Variants in KCNC2 observed in about 807,000 individuals in gnomAD.
KCNC2 encodes voltage-gated potassium channel KCNC2.
In KCNC2, 21 loss-of-function variants were observed where a neutral mutation model predicts 44.5. The observed-to-expected ratio is 0.47, with a 90% confidence interval of 0.33 to 0.68. The LOEUF is 0.68. KCNC2 is among the 30% of genes least tolerant of loss of function. KCNC2 has a pLI of 0.01. For synonymous variants in KCNC2, 391 were observed against 339.1 expected, an observed-to-expected ratio of 1.15 and a Z score of -1.68; for missense variants, 589 against 826.2, an observed-to-expected ratio of 0.71 and a Z score of 3.52.
At position 75,050,395 on chromosome 12, in the gene KCNC2, C is replaced by T; in HGVS notation, c.1610G>A (p.Arg537Lys). The T allele has an allele frequency of 6.2e-7, 1 of 1,604,782 alleles. No homozygotes were observed. Among genetic ancestry groups the T allele is most frequent in the East Asian group, 2.2e-5 (1 of 44,766 alleles). ...CATTTGAAGTCCTGCCTTACCTGATCTGTTATGTTCCAGAAGTCGATTGTC... is the reference window on the plus strand; with the variant it reads ...CATTTGAAGTCCTGCCTTACCTGATTTGTTATGTTCCAGAAGTCGATTGTC... ...GKDNRLLEHN[R>K]SVLSGDDSTG... The change falls in exon 3 of 5, where the codon AGA becomes AAA. Residue 537 changes from arginine to lysine, a missense_variant. This residue lies in a region of KCNC2 where 171 missense variants were observed against 182.4 expected (regional missense o/e 0.94). Transcript: ENST00000549446.
Position 75,126,081 on chromosome 12 carries a change from G to T in KCNC2, c.688-74764C>A, listed in dbSNP as rs373213024. Reference sequence around the variant, plus strand: ...GAAGATGGATATCTGATGAGCTTATGAGCAAAACTAAAAAACCCGAGTCTC... The same window carrying T: ...GAAGATGGATATCTGATGAGCTTATTAGCAAAACTAAAAAACCCGAGTCTC... On this transcript the variant is annotated intron_variant, in intron 2 of 4. Coordinates refer to ENST00000549446, the MANE Select transcript of KCNC2 (RefSeq NM_139137.4). 3.4e-4 allele frequency among the ~76,000 whole-genome samples: 51 copies of T among 152,202 alleles called. No individual in the cohort carries two copies. The East Asian group carries it at 8.7e-3, about 26-fold the overall frequency.
chr12:75,102,692 T>G (rs1051067627), intron 2 of KCNC2, among the ~76,000 whole-genome samples: 26 of 152,134 alleles, frequency 1.7e-4, no homozygotes, highest in African/African-American at 6.3e-4. Context: ...TTTTTTATTA[T>G]CAAACAGTTG....
chr12:75,042,147 A>G lies in KCNC2; in HGVS notation c.*958T>C. 1 of 1,256,650 alleles carries G rather than the reference A, an allele frequency of 8.0e-7. No individual in the cohort carries two copies. The highest frequency in any genetic ancestry group is 3.4e-5 in the South Asian group (1 of 29,106). 77.8% of individuals were successfully genotyped at this position (1,256,650 alleles called of 1,614,324 possible). The stretch of plus-strand genomic sequence containing the variant: ...TAAAATAAGGGGGTAAAAAAAAGAC[A>G]CAAGAGCTTTGGGTGATATTTGGCA... On this transcript the variant is annotated 3_prime_UTR_variant, in exon 5 of 5. Coordinates refer to ENST00000549446, the MANE Select transcript of KCNC2 (RefSeq NM_139137.4).
chr12:75,049,772 A>C (rs1880970396), intron 3 of KCNC2, among the ~76,000 whole-genome samples: 1 of 152,082 alleles, frequency 6.6e-6, no homozygotes, highest in African/African-American at 2.4e-5. Context: ...CCCTCATCAA[A>C]GGGGTTATAA....
chr12:75,192,974 T>A (rs1207915769), intron 2 of KCNC2, among the ~76,000 whole-genome samples: 3 of 152,212 alleles, frequency 2.0e-5, no homozygotes, highest in Non-Finnish European at 4.4e-5. Flanking sequence ...GATTTAGTTA[T>A]TTTACATTGT....
intron 2 of KCNC2, among the ~76,000 whole-genome samples, chr12:75,107,317 A>G (rs1230750874): frequency 1.3e-5 from 2 of 152,152 alleles, no homozygotes; most frequent in African/African-American, 2.4e-5. Flanking sequence ...AAAATAAATA[A>G]TAATGGCAAT....
At chr12:75,107,805 G>T (rs1212304811) in intron 2 of KCNC2, among the ~76,000 whole-genome samples, 1 of 152,172 alleles carries the variant, frequency 6.6e-6, no homozygotes, top group East Asian at 1.9e-4. Context: ...TATTCAGGAA[G>T]AGCTGCAAAA....
chr12:75,173,156 C>T (rs114984297), intron 2 of KCNC2, among the ~76,000 whole-genome samples: 4 of 151,826 alleles, frequency 2.6e-5, no homozygotes, highest in Non-Finnish European at 5.9e-5. Context: ...TCACAATTTA[C>T]GTCTTCTCCC....
At chr12:75,159,638 G>A (rs1377293150) in intron 2 of KCNC2, among the ~76,000 whole-genome samples, 1 of 151,850 alleles carries the variant, frequency 6.6e-6, no homozygotes, top group Non-Finnish European at 1.5e-5. Context: ...CGCTGGACTA[G>A]GAGGTTTAAC....
At chr12:75,168,624 T>A (rs1001640510) in intron 2 of KCNC2, among the ~76,000 whole-genome samples, 4 of 151,528 alleles carry the variant, frequency 2.6e-5, no homozygotes, top group South Asian at 2.1e-4. Flanking sequence ...CTTAAAAAAA[T>A]TTTTTTGACA....
chr12:75,109,135 C>T (rs1887021773), intron 2 of KCNC2, among the ~76,000 whole-genome samples: 1 of 152,130 alleles, frequency 6.6e-6, no homozygotes, highest in South Asian at 2.1e-4. Flanking sequence ...TAGAGGGATT[C>T]ATGTGATTAT....
intron 2 of KCNC2, among the ~76,000 whole-genome samples, chr12:75,201,752 C>CT (rs1396702787): frequency 1.3e-5 from 2 of 151,882 alleles, no homozygotes; most frequent in Non-Finnish European, 2.9e-5. Flanking sequence ...AAAAGCAGTG[C>CT]TTTTCTGTCT....
intron 2 of KCNC2, among the ~76,000 whole-genome samples, chr12:75,115,567 C>T (rs2137260319): frequency 6.6e-6 from 1 of 152,246 alleles, no homozygotes; most frequent in Admixed American, 6.5e-5. Flanking sequence ...ATTATTAGTG[C>T]TTTTGCCAGG....
rs1172351929 is a variant in KCNC2 at position 75,207,921 on chromosome 12, G to C, written c.63C>G (p.Thr21=). 1 of 1,612,792 alleles carries C rather than the reference G, an allele frequency of 6.2e-7. No individual in the cohort carries two copies. The highest frequency in any genetic ancestry group is 8.5e-7 in the Non-Finnish European group (1 of 1,179,902). The change falls in exon 2 of 5, where the codon ACC becomes ACG. Residue 21 remains threonine (T), a synonymous_variant. Coordinates refer to ENST00000549446, the MANE Select transcript of KCNC2 (RefSeq NM_139137.4). The surrounding 1 kb of genome is among the most constrained non-coding windows in gnomAD (Gnocchi z 4.1). ...GCAGGGTCTTGAGGGTGCTGCGGTA[G>C]GTTTCGTGCCGGGTGCCCCCGACAT... ...ILNVGGTRHE[T]YRSTLKTLPG...
rs751051094 is a variant in KCNC2, at chr12:75,048,225, T to C, written c.1708A>G (p.Arg570Gly). 1.2e-6 allele frequency: 2 copies of C among 1,613,176 alleles called. No homozygotes were observed. Among genetic ancestry groups the C allele is most frequent in the East Asian group, 2.2e-5 (1 of 44,838 alleles). The change falls in exon 4 of 5, where the codon AGA becomes GGA. Residue 570 changes from arginine (R) to glycine (G), a missense_variant. Arg to Gly is a moderately radical substitution (Grantham distance 125). Coordinates refer to ENST00000549446, the MANE Select transcript of KCNC2 (RefSeq NM_139137.4). ...IRRSSTRDKNRRGETCFLLTT... is the reference protein window; with the variant it reads ...IRRSSTRDKNGRGETCFLLTT... ...AGTAGGAAACATGTTTCCCCTCTTC[T>C]GTTTTTGTCTCTGGTACTAGAGCGT...
Position 75,041,062 on chromosome 12 carries a change from A to T in KCNC2, c.*2043T>A. ...TATAAGCTTTAAGTGCCTCATGAAGACGCGAGGATCTCTTCCAAGTGCAAC... is the reference window on the plus strand; with the variant it reads ...TATAAGCTTTAAGTGCCTCATGAAGTCGCGAGGATCTCTTCCAAGTGCAAC... On this transcript the variant is annotated 3_prime_UTR_variant, in exon 5 of 5. Transcript: ENST00000549446. The T allele has an allele frequency of 6.6e-7, 1 of 1,525,636 alleles. No individual in the cohort carries two copies. Among genetic ancestry groups the T allele is most frequent in the Non-Finnish European group, 9.0e-7 (1 of 1,114,300 alleles). The allele number at this position is 1,525,636 out of a possible 1,614,324, so 94.5% of individuals were successfully genotyped here. A position where few individuals can be genotyped will look rare whatever the true frequency, so the allele number is the denominator to read the frequency against.
chr12:75,164,195 C>G (rs1338609286), intron 2 of KCNC2, among the ~76,000 whole-genome samples: 1 of 151,640 alleles, frequency 6.6e-6, no homozygotes, highest in Non-Finnish European at 1.5e-5. Flanking sequence ...ATGTACTTTT[C>G]TATACATTTT....
At chr12:75,183,800 T>C (rs1479367532) in intron 2 of KCNC2, among the ~76,000 whole-genome samples, 1 of 152,230 alleles carries the variant, frequency 6.6e-6, no homozygotes, top group East Asian at 1.9e-4. Flanking sequence ...GTTCATGTCT[T>C]AGAATATCGC....
intron 2 of KCNC2, among the ~76,000 whole-genome samples, chr12:75,162,962 C>T (rs1197781369): frequency 6.6e-6 from 1 of 151,638 alleles, no homozygotes; most frequent in Non-Finnish European, 1.5e-5. Flanking sequence ...TTGTAAGTTG[C>T]CCCCACTAAG....
Sources: gnomAD v4.1 joint callset for allele counts (sites outside exome capture counted in the v4.1 genomes callset) on GRCh38, gnomAD v4.1.1 for gene constraint, gnomAD v4.1.1 regional missense constraint, Gnocchi (gnomAD v3.1) non-coding constraint, MANE v1.5 for transcripts, NCBI Gene and HGNC (gene_info 2026-07-23, HGNC 2026-07-21) for gene names.